VAMP7: variants seen among roughly 807,000 people sequenced by gnomAD.
VAMP7 encodes vesicle associated membrane protein 7.
A neutral mutation model predicts 29.6 loss-of-function variants in VAMP7; 14 were observed. The observed-to-expected ratio is 0.47, with a 90% confidence interval of 0.31 to 0.74. The LOEUF is 0.74. VAMP7 is among the 30% of genes least tolerant of loss of function. The probability of loss-of-function intolerance (pLI) is 0.05; values close to 1 mark genes in which losing one functional copy is unlikely to be tolerated. For synonymous variants in VAMP7, 95 were observed against 88.1 expected (o/e 1.08, Z -0.44); for missense variants, 223 against 262.4 (o/e 0.85, Z 1.04).
rs745667935 is a variant in VAMP7, at chrX:155,942,035, G to A, written c.*84G>A. ...ATGTGACTCAAGCCTTTCACATACT[G>A]ACAGATGGTATCTGCCAGTCTCTTC... On this transcript the variant is annotated 3_prime_UTR_variant, in exon 8 of 8. Transcript: ENST00000286448. 8.4e-5 allele frequency: 135 copies of A among 1,610,880 alleles called. No homozygotes were observed. Among genetic ancestry groups the A allele is most frequent in the Non-Finnish European group, 1.1e-4 (130 of 1,178,302 alleles).
chrX:155,930,489 CAAAAAAA>C (rs35835800), intron 6 of VAMP7, among the ~76,000 whole-genome samples: 1 of 145,018 alleles, frequency 6.9e-6, no homozygotes, highest in Admixed American at 6.9e-5. Context: ...CAAAACCAAA[CAAAAAAA>C]AAAAAAAAAT....
At chrX:155,891,778 T>C (rs2065927985) in intron 2 of VAMP7, among the ~76,000 whole-genome samples, 1 of 152,222 alleles carries the variant, frequency 6.6e-6, no homozygotes, top group African/African-American at 2.4e-5. Flanking sequence ...ACATCCAAAA[T>C]GGTAGTTAGA....
At chrX:155,909,914 A>C (rs1034995354) in intron 5 of VAMP7, among the ~76,000 whole-genome samples, 1 of 152,236 alleles carries the variant, frequency 6.6e-6, no homozygotes. Context: ...TGGGGTGTCC[A>C]TCAGCTCAAG....
intron 5 of VAMP7, among the ~76,000 whole-genome samples, chrX:155,913,805 G>C (rs749847376): frequency 6.6e-6 from 1 of 152,134 alleles, no homozygotes; most frequent in Non-Finnish European, 1.5e-5. Flanking sequence ...GTCAGGTAGC[G>C]TGATGTCTCC....
intron 6 of VAMP7, among the ~76,000 whole-genome samples, chrX:155,920,090 G>A (rs771830863): frequency 1.3e-5 from 2 of 152,142 alleles, no homozygotes; most frequent in African/African-American, 4.8e-5. Flanking sequence ...AGGTAGCTTT[G>A]GTTTGGAAAA....
At chrX:155,893,720 C>G (rs1257315500) in intron 2 of VAMP7, among the ~76,000 whole-genome samples, 8 of 152,182 alleles carry the variant, frequency 5.3e-5, no homozygotes, top group Non-Finnish European at 1.0e-4. Context: ...CACGAGGACC[C>G]CACCCTCATG....
intron 1 of VAMP7, 142 bp from the exon 2 acceptor site, chrX:155,889,316 C>T: frequency 3.3e-6 from 4 of 1,224,908 alleles, no homozygotes; most frequent in East Asian, 2.5e-5. Context: ...TAAGCCTGCT[C>T]TTAAGTCTGT....
intron 6 of VAMP7, among the ~76,000 whole-genome samples, chrX:155,933,333 T>G (rs1466293203): frequency 6.6e-6 from 1 of 152,216 alleles, no homozygotes; most frequent in African/African-American, 2.4e-5. Flanking sequence ...CATCTGGTCC[T>G]GGACTTTTTT....
chrX:155,928,695 A>G (rs998349284), intron 6 of VAMP7, among the ~76,000 whole-genome samples: 7 of 152,176 alleles, frequency 4.6e-5, no homozygotes, highest in African/African-American at 1.7e-4. Flanking sequence ...CCTTTTCCAG[A>G]TAATATCACA....
In VAMP7 at chrX:155,888,806, A is replaced by T. The variant is rs186410362; in HGVS notation, c.-9-652A>T. On this transcript the variant is annotated intron_variant, in intron 1 of 7. Transcript: ENST00000286448. ...TATGAGCTCTAGAACCATACTGCCT[A>T]GGTTTAAATTGCAGCTCCACACTTA... 1.1e-4 allele frequency among the ~76,000 whole-genome samples: 17 copies of T among 152,292 alleles called. No individual in the cohort carries two copies. In the East Asian group the frequency reaches 3.1e-3, roughly 28 times the overall value.
chrX:155,895,182 G>A (rs1410078032), intron 2 of VAMP7, among the ~76,000 whole-genome samples: 1 of 152,088 alleles, frequency 6.6e-6, no homozygotes, highest in African/African-American at 2.4e-5. Context: ...TCAGCATCCA[G>A]CACAGTAACT....
intron 6 of VAMP7, among the ~76,000 whole-genome samples, chrX:155,929,125 T>G (rs1262283662): frequency 6.6e-6 from 1 of 152,208 alleles, no homozygotes; most frequent in Non-Finnish European, 1.5e-5. Flanking sequence ...TATTGCTGCA[T>G]TTCAGTGCAT....
At chrX:155,918,046 C>T (rs757081202) in intron 5 of VAMP7, among the ~76,000 whole-genome samples, 1 of 152,256 alleles carries the variant, frequency 6.6e-6, no homozygotes, top group Admixed American at 6.5e-5. Context: ...GCTACAGGGA[C>T]TTTGCGGAGC....
chrX:155,898,096 G>A lies in VAMP7; in HGVS notation c.205-16G>A, dbSNP rs772155172. On this transcript the variant is annotated splice_polypyrimidine_tract_variant and intron_variant, in intron 3 of 7. Coordinates refer to ENST00000286448, the MANE Select transcript of VAMP7 (RefSeq NM_005638.6). ...TTTACTTTCTAAATGTGAGTTCTGT[G>A]TTGATCTCTTTTCAGGATTTTGAAC... 6.2e-7 allele frequency: 1 copy of A among 1,611,874 alleles called. No homozygotes were observed. Among genetic ancestry groups the A allele is most frequent in the Middle Eastern group, 1.7e-4 (1 of 6,048 alleles).
intron 5 of VAMP7, among the ~76,000 whole-genome samples, chrX:155,908,081 A>G (rs1227684048): frequency 3.3e-5 from 5 of 149,782 alleles, no homozygotes; most frequent in African/African-American, 1.2e-4. Flanking sequence ...CAGACTGGGC[A>G]GCCAGGCAGA....
intron 5 of VAMP7, among the ~76,000 whole-genome samples, chrX:155,915,212 C>A (rs1380949189): frequency 6.6e-6 from 1 of 152,028 alleles, no homozygotes; most frequent in East Asian, 1.9e-4. Flanking sequence ...GGTGATACCC[C>A]CTTTATCATT....
At chrX:155,883,327 G>A (rs1365630388) in intron 1 of VAMP7, among the ~76,000 whole-genome samples, 1 of 152,018 alleles carries the variant, frequency 6.6e-6, no homozygotes, top group African/African-American at 2.4e-5. Flanking sequence ...TCTTTACCTT[G>A]CTCTCAGTGC....
chrX:155,903,898 A>G lies in VAMP7; in HGVS notation c.433+3311A>G, dbSNP rs1445551943. Among the ~76,000 whole-genome samples the G allele has an allele frequency of 4.6e-5, 7 of 152,230 alleles. No individual in the cohort carries two copies. The South Asian group carries it at 1.2e-3, about 27-fold the overall frequency. Reference sequence around the variant, plus strand: ...ATAAATCATGCCGCTATAAAGACACATGCACACGTATGTTTATAGCGGCAG... The same window carrying G: ...ATAAATCATGCCGCTATAAAGACACGTGCACACGTATGTTTATAGCGGCAG... On this transcript the variant is annotated intron_variant, in intron 5 of 7. Transcript: ENST00000286448.
chrX:155,938,040 T>C (rs2066688630), intron 6 of VAMP7, among the ~76,000 whole-genome samples: 1 of 152,216 alleles, frequency 6.6e-6, no homozygotes. Flanking sequence ...AATGTTGTCA[T>C]GTTATCTAAT....
Sources: allele counts gnomAD v4.1 joint callset (sites outside exome capture counted in the v4.1 genomes callset), GRCh38; gene constraint gnomAD v4.1.1; transcripts MANE v1.5; gene names NCBI Gene and HGNC (gene_info 2026-07-23, HGNC 2026-07-21).